SLC2A1: variants seen among roughly 807,000 people sequenced by gnomAD.
The protein encoded by SLC2A1 is solute carrier family 2, facilitated glucose transporter member 1.
Under a neutral mutation model 46.6 loss-of-function variants are expected in SLC2A1, and 4 were observed. The observed-to-expected ratio is 0.09, with a 90% CI of 0.04 to 0.20. The LOEUF (loss-of-function observed/expected upper bound fraction) is 0.20, where lower values mean the gene tolerates loss of function less well. SLC2A1 is among the 10% of genes least tolerant of loss of function. The pLI, the probability that SLC2A1 is intolerant of heterozygous loss-of-function variation, is 1.00. For missense variants in SLC2A1, 352 were observed against 667.0 expected (o/e 0.53, Z 5.20); for synonymous variants, 253 against 270.0 (o/e 0.94, Z 0.62).
rs1453258207 is a variant in SLC2A1 at position 42,934,683 on chromosome 1, C to T, written c.115-3477G>A. 3.3e-5 allele frequency among the ~76,000 whole-genome samples: 5 copies of T among 152,140 alleles called. No individual in the cohort carries two copies. In the South Asian group the frequency reaches 6.2e-4, roughly 19 times the overall value. On this transcript the variant is annotated intron_variant, in intron 2 of 9. Transcript: ENST00000426263. ...ACAGGATCCCACAGGCCCAATCCCG[C>T]CGGCTCCCAGCAGCCTCCGCAACCC...
intron 2 of SLC2A1, among the ~76,000 whole-genome samples, chr1:42,932,805 G>C (rs3820549): frequency 0.62 from 94,781 of 152,110 alleles, 30,039 homozygotes; most frequent in Non-Finnish European, 0.68. Flanking sequence ...TGCTGTGGGT[G>C]CTCAGCCTCT....
chr1:42,943,244 G>T lies in SLC2A1; in HGVS notation c.96C>A (p.Val32=). ...TACTCACCTTCTGGGGGGCATTGAT[G>T]ACTCCAGTGTTGTAGCCAAACTGCA... The part of the protein sequence containing the change: ...GSLQFGYNTG[V]INAPQKVIEE... Residue 32 remains valine, a synonymous_variant, in exon 2 of 10, where the codon GTC becomes GTA. Coordinates refer to ENST00000426263, the MANE Select transcript of SLC2A1 (RefSeq NM_006516.4). 1 of 1,612,942 alleles carries T rather than the reference G, an allele frequency of 6.2e-7. No homozygotes were observed. Among genetic ancestry groups the T allele is most frequent in the South Asian group, 1.1e-5 (1 of 90,972 alleles).
intron 1 of SLC2A1, among the ~76,000 whole-genome samples, chr1:42,951,081 C>T (rs1342164148): frequency 6.6e-6 from 1 of 152,184 alleles, no homozygotes; most frequent in East Asian, 1.9e-4. Context: ...TGCATGCTCC[C>T]AACACTCTTC....
At chr1:42,942,308 C>T (rs546619109) in intron 2 of SLC2A1, among the ~76,000 whole-genome samples, 67 of 152,294 alleles carry the variant, frequency 4.4e-4, no homozygotes, top group Admixed American at 7.2e-4. Flanking sequence ...CCTCAGTTTC[C>T]GGGTCTACAA....
chr1:42,947,534 C>T (rs1271991529), intron 1 of SLC2A1, among the ~76,000 whole-genome samples: 1 of 121,452 alleles, frequency 8.2e-6, no homozygotes, highest in Admixed American at 1.0e-4. Flanking sequence ...CCTGCCTGGG[C>T]AATATGGTGA....
chr1:42,929,189 G>C lies in SLC2A1; in HGVS notation c.972+21C>G, dbSNP rs200306294. ...CTCCTCCCTGGGGTTTGGCTGGGGG[G>C]GCCAGTAAGCAAAGACTCACCGACA... On this transcript the variant is annotated intron_variant, in intron 7 of 9. Transcript: ENST00000426263. This position sits in a 1 kb window ranked among gnomAD's most constrained non-coding sequence, Gnocchi z 6.0. 4.4e-6 allele frequency: 7 copies of C among 1,603,670 alleles called. No individual in the cohort carries two copies. Among genetic ancestry groups the C allele is most frequent in the East Asian group, 2.2e-5 (1 of 44,816 alleles).
intron 1 of SLC2A1, among the ~76,000 whole-genome samples, chr1:42,956,134 G>A (rs1643770155): frequency 6.7e-6 from 1 of 149,888 alleles, no homozygotes; most frequent in South Asian, 2.1e-4. Flanking sequence ...TATATGGAAT[G>A]ATCTACACAA....
chr1:42,928,678 A>G (rs1282017885), intron 8 of SLC2A1, among the ~76,000 whole-genome samples: 1 of 152,118 alleles, frequency 6.6e-6, no homozygotes, highest in Non-Finnish European at 1.5e-5. Flanking sequence ...GCAATTCCTT[A>G]AGGAGGTGAG....
chr1:42,957,838 T>C (rs1643792838), intron 1 of SLC2A1, among the ~76,000 whole-genome samples: 1 of 152,134 alleles, frequency 6.6e-6, no homozygotes, highest in Non-Finnish European at 1.5e-5. Flanking sequence ...CCTGGGGCTC[T>C]TTCCTGGCCC....
At chr1:42,932,383 C>T (rs918585305) in intron 2 of SLC2A1, among the ~76,000 whole-genome samples, 2 of 152,100 alleles carry the variant, frequency 1.3e-5, no homozygotes, top group Admixed American at 6.5e-5. Context: ...CCCAGCCACA[C>T]GTATAGCAGA....
At chr1:42,950,727 C>A (rs1410308006) in intron 1 of SLC2A1, among the ~76,000 whole-genome samples, 1 of 152,194 alleles carries the variant, frequency 6.6e-6, no homozygotes, top group Non-Finnish European at 1.5e-5. Flanking sequence ...AATTCCAGCA[C>A]TTTGGGAGGC....
rs1297052277 is a variant in SLC2A1 at position 42,954,552 on chromosome 1, T to C, written c.18+4082A>G. 5.9e-5 allele frequency among the ~76,000 whole-genome samples: 9 copies of C among 152,128 alleles called. No individual in the cohort carries two copies. Among genetic ancestry groups the C allele is most frequent in the South Asian group, 2.1e-4 (1 of 4,828 alleles). On this transcript the variant is annotated intron_variant, in intron 1 of 9. Transcript: ENST00000426263. The surrounding 1 kb of genome is among the most constrained non-coding windows in gnomAD (Gnocchi z 4.2). ...AAAATCAAAACAAAACACAGCTCCA[T>C]AGAACGCCTCAAATCTTTTGTGATA...
In SLC2A1 at chr1:42,929,674, C is replaced by T. The variant is rs1005606327; in HGVS notation, c.786G>A (p.Leu262=). 6.2e-7 allele frequency: 1 copy of T among 1,613,758 alleles called. No homozygotes were observed. The highest frequency in any genetic ancestry group is 8.5e-7 in the Non-Finnish European group (1 of 1,180,004). Residue 262 remains leucine, a synonymous_variant, in exon 6 of 10, where the codon CTG becomes CTA. Transcript: ENST00000426263. The surrounding 1 kb of genome is among the most constrained non-coding windows in gnomAD (Gnocchi z 6.0). The part of the protein sequence containing the change: ...MREKKVTILE[L]FRSPAYRQPI... ...GCTGGCGGTAGGCGGGGGAGCGGAA[C>T]AGCTCCAGGATGGTGACCTTCTTCT...
At chr1:42,940,688 T>C (rs888958709) in intron 2 of SLC2A1, among the ~76,000 whole-genome samples, 11 of 152,190 alleles carry the variant, frequency 7.2e-5, no homozygotes, top group African/African-American at 2.7e-4. Flanking sequence ...GCTCAAGTGA[T>C]CCACCCACCT....
Position 42,926,546 on chromosome 1 carries a change from AC to A in SLC2A1, c.*494del. On this transcript the variant is annotated 3_prime_UTR_variant, in exon 10 of 10. Transcript: ENST00000426263. Reference sequence around the variant, plus strand: ...AAGGGGCAAATCCTAATGGAGCCTGACCCCTAGAGTGGGGAGATCCAGGCCA... The same window carrying A: ...AAGGGGCAAATCCTAATGGAGCCTGACCCTAGAGTGGGGAGATCCAGGCCA... 1.1e-5 allele frequency: 4 copies of A among 356,366 alleles called. No individual in the cohort carries two copies. Among genetic ancestry groups the A allele is most frequent in the Non-Finnish European group, 2.1e-5 (4 of 194,350 alleles). The allele number at this position is 356,366 out of a possible 1,614,324, so 22.1% of individuals were successfully genotyped here.
intron 1 of SLC2A1, among the ~76,000 whole-genome samples, chr1:42,944,442 A>G (rs551996296): frequency 3.3e-4 from 51 of 152,326 alleles, no homozygotes; most frequent in African/African-American, 1.2e-3. Context: ...ACTGGCATTC[A>G]CTACGCACAC....
chr1:42,937,371 T>C (rs547901098), intron 2 of SLC2A1, among the ~76,000 whole-genome samples: 24 of 152,306 alleles, frequency 1.6e-4, no homozygotes, highest in South Asian at 8.3e-4. Context: ...GTGTAAGAGA[T>C]TGTGCAACTG....
At position 42,929,761 on chromosome 1, in the gene SLC2A1, C is replaced by T; in HGVS notation, c.699G>A (p.Gly233=). ...RAKSVLKKLR[G]TADVTHDLQE... is the part of the protein sequence containing the mutation. Reference sequence around the variant, plus strand: ...GCAGGTCATGGGTCACGTCAGCTGTCCCGCGCAGCTTCTTTAGCACTGGGG... The same window carrying T: ...GCAGGTCATGGGTCACGTCAGCTGTTCCGCGCAGCTTCTTTAGCACTGGGG... The change falls in exon 6 of 10, where the codon GGG becomes GGA. Residue 233 remains glycine, a synonymous_variant. Coordinates refer to ENST00000426263, the MANE Select transcript of SLC2A1 (RefSeq NM_006516.4). The surrounding 1 kb of genome is among the most constrained non-coding windows in gnomAD (Gnocchi z 6.0). 6.2e-7 allele frequency: 1 copy of T among 1,614,192 alleles called. No individual in the cohort carries two copies. The highest frequency in any genetic ancestry group is 8.5e-7 in the Non-Finnish European group (1 of 1,180,042).
intron 1 of SLC2A1, among the ~76,000 whole-genome samples, chr1:42,950,126 A>G (rs1391630675): frequency 2.0e-5 from 3 of 152,226 alleles, no homozygotes; most frequent in Non-Finnish European, 4.4e-5. Context: ...CTGGGGAGAA[A>G]AAAAAGACAA....
Sources: allele counts gnomAD v4.1 joint callset (sites outside exome capture counted in the v4.1 genomes callset), GRCh38; gene constraint gnomAD v4.1.1; non-coding constraint Gnocchi (gnomAD v3.1); transcripts MANE v1.5; gene names NCBI Gene and HGNC (gene_info 2026-07-23, HGNC 2026-07-21).